The following GRIN2B variants were observed in gnomAD, a reference collection of about 807,000 sequenced individuals.
The protein encoded by GRIN2B is glutamate ionotropic receptor NMDA type subunit 2B.
In GRIN2B, 5 loss-of-function variants were observed where a neutral mutation model predicts 114.5. That is an observed-to-expected ratio of 0.04 (90% CI 0.02 to 0.09). The LOEUF (loss-of-function observed/expected upper bound fraction) is 0.09, where lower values mean the gene tolerates loss of function less well. Among genes scored for constraint, GRIN2B ranks in the 10% least tolerant of loss-of-function variants. The pLI is 1.00. For missense variants in GRIN2B, 1,108 were observed against 1,943.5 expected (o/e 0.57, Z 8.08); for synonymous variants, 787 against 745.1 (o/e 1.06, Z -0.92).
intron 3 of GRIN2B, among the ~76,000 whole-genome samples, chr12:13,841,152 T>C (rs1290596114): frequency 1.3e-5 from 2 of 152,168 alleles, no homozygotes; most frequent in African/African-American, 2.4e-5. Flanking sequence ...TTTGTAACAC[T>C]AAAGACAACT....
At chr12:13,828,424 C>T (rs1865090661) in intron 3 of GRIN2B, among the ~76,000 whole-genome samples, 1 of 152,142 alleles carries the variant, frequency 6.6e-6, no homozygotes, top group African/African-American at 2.4e-5. Context: ...CATGGAATTT[C>T]ACCTATAATA....
Position 13,790,954 on chromosome 12 carries a change from C to A in GRIN2B, c.412-37039G>T, listed in dbSNP as rs188882012. ...TCCAGTGGGAGTGACGAGGCTGGAA[C>A]CCTTCCCTGCAGACACAGAACTAGG... On this transcript the variant is annotated intron_variant, in intron 3 of 13. Transcript: ENST00000609686. Among the ~76,000 whole-genome samples the A allele has an allele frequency of 7.6e-3, 1,162 of 152,218 alleles. 24 individuals are homozygous for A. The highest frequency in any genetic ancestry group is 0.027 in the African/African-American group (1,124 of 41,528).
At chr12:13,731,819 T>C (rs1863091381) in intron 4 of GRIN2B, among the ~76,000 whole-genome samples, 1 of 147,586 alleles carries the variant, frequency 6.8e-6, no homozygotes, top group Non-Finnish European at 1.5e-5. Context: ...CTTGATTTAC[T>C]CTTTCCCCAT....
At chr12:13,980,951 C>T (rs1301745057) in intron 1 of GRIN2B, among the ~76,000 whole-genome samples, 1 of 149,402 alleles carries the variant, frequency 6.7e-6, no homozygotes, top group Non-Finnish European at 1.5e-5. Context: ...CACTCACCCC[C>T]GCGCACACTC....
rs141922026 is a variant in GRIN2B, at chr12:13,783,213, C to T, written c.412-29298G>A. On this transcript the variant is annotated intron_variant, in intron 3 of 13. Coordinates refer to ENST00000609686, the MANE Select transcript of GRIN2B (RefSeq NM_000834.5). ...CTCTTCCAGATGAATTCATCTCTTT[C>T]GCACCCCAATCACCAAGGGGCAGGA... Among the ~76,000 whole-genome samples, 23 of 152,172 alleles carry T rather than the reference C, an allele frequency of 1.5e-4. No individual in the cohort carries two copies. In the East Asian group the frequency reaches 2.5e-3, roughly 17 times the overall value.
chr12:13,838,200 T>A (rs1290647447), intron 3 of GRIN2B, among the ~76,000 whole-genome samples: 1 of 152,056 alleles, frequency 6.6e-6, no homozygotes, highest in Non-Finnish European at 1.5e-5. Context: ...AAACAAGAAG[T>A]GTTTAACAAA....
intron 3 of GRIN2B, among the ~76,000 whole-genome samples, chr12:13,848,257 G>A (rs1057347475): frequency 4.6e-5 from 7 of 152,164 alleles, no homozygotes; most frequent in African/African-American, 1.4e-4. Context: ...GAATACAAAT[G>A]CCCCTAGGGA....
intron 4 of GRIN2B, among the ~76,000 whole-genome samples, chr12:13,685,518 G>A (rs181803546): frequency 1.6e-3 from 245 of 152,290 alleles, no homozygotes; most frequent in African/African-American, 5.2e-3. Context: ...GAGGGTCAAA[G>A]GAGGGAGGAT....
At chr12:13,620,689 G>A (rs1174613027) in intron 5 of GRIN2B, among the ~76,000 whole-genome samples, 1 of 152,138 alleles carries the variant, frequency 6.6e-6, no homozygotes, top group Admixed American at 6.5e-5. Context: ...AAAAATAGGT[G>A]TGTGGCATTC....
chr12:13,608,048 G>C (rs1035422035), intron 10 of GRIN2B, among the ~76,000 whole-genome samples: 4 of 152,124 alleles, frequency 2.6e-5, no homozygotes, highest in Non-Finnish European at 4.4e-5. Context: ...CAATTAGTAA[G>C]GGGGCAGCCC....
rs1181552646 is a variant in GRIN2B at position 13,953,850 on chromosome 12, C to G, written c.-19+26078G>C. Among the ~76,000 whole-genome samples, 4 of 152,218 alleles carry G rather than the reference C, an allele frequency of 2.6e-5. No homozygotes were observed. In the East Asian group the frequency reaches 5.8e-4, roughly 22 times the overall value. On this transcript the variant is annotated intron_variant, in intron 2 of 13. Coordinates refer to ENST00000609686, the MANE Select transcript of GRIN2B (RefSeq NM_000834.5). ...ATTTAGCTTTCAGCTCTTCTTATCC[C>G]TTTGTCCCTGATTCCCAGCATTAAA...
In GRIN2B at chr12:13,675,879, G is replaced by C; in HGVS notation, c.1011-20C>G. ...AGATACCTGTAAAGATAAAATAAAAGGAAGATTAAAAGTATGAAGAGGGTA... is the reference window on the plus strand; with the variant it reads ...AGATACCTGTAAAGATAAAATAAAACGAAGATTAAAAGTATGAAGAGGGTA... On this transcript the variant is annotated intron_variant, in intron 4 of 13. Coordinates refer to ENST00000609686, the MANE Select transcript of GRIN2B (RefSeq NM_000834.5). 7.3e-7 allele frequency: 1 copy of C among 1,368,808 alleles called. No individual in the cohort carries two copies. The highest frequency in any genetic ancestry group is 1.0e-6 in the Non-Finnish European group (1 of 956,578). 84.8% of individuals were successfully genotyped at this position (1,368,808 alleles called of 1,614,324 possible). A position where few individuals can be genotyped will look rare whatever the true frequency, so the allele number is the denominator to read the frequency against.
At chr12:13,726,910 T>C (rs1863000340) in intron 4 of GRIN2B, among the ~76,000 whole-genome samples, 1 of 152,240 alleles carries the variant, frequency 6.6e-6, no homozygotes, top group African/African-American at 2.4e-5. Flanking sequence ...AATAAGAACA[T>C]ACCGTTTGGT....
At chr12:13,883,317 T>C (rs567566435) in intron 2 of GRIN2B, among the ~76,000 whole-genome samples, 13 of 152,316 alleles carry the variant, frequency 8.5e-5, no homozygotes, top group South Asian at 2.1e-4. Context: ...TTAACATTTA[T>C]ATTTAATTGC....
intron 12 of GRIN2B, 66 bp downstream of exon 12, chr12:13,569,764 A>C: frequency 1.0e-6 from 1 of 962,616 alleles, no homozygotes; most frequent in African/African-American, 1.6e-5. Context: ...AAGAAAAGGA[A>C]AGGTTGATGT....
At chr12:13,645,570 C>T (rs1402040552) in intron 5 of GRIN2B, among the ~76,000 whole-genome samples, 1 of 152,112 alleles carries the variant, frequency 6.6e-6, no homozygotes, top group Non-Finnish European at 1.5e-5. Context: ...TTGTAAAAAA[C>T]ACAGTGTCTG....
intron 4 of GRIN2B, among the ~76,000 whole-genome samples, chr12:13,683,001 T>G (rs1177570532): frequency 6.6e-6 from 1 of 152,104 alleles, no homozygotes; most frequent in Non-Finnish European, 1.5e-5. Flanking sequence ...TTTGGCCAAT[T>G]ATCAAAGCAA....
At chr12:13,930,355 C>A (rs1867005121) in intron 2 of GRIN2B, among the ~76,000 whole-genome samples, 1 of 152,106 alleles carries the variant, frequency 6.6e-6, no homozygotes, top group Non-Finnish European at 1.5e-5. Context: ...CCTATGAGAT[C>A]TTTGAGACTA....
intron 12 of GRIN2B, among the ~76,000 whole-genome samples, chr12:13,569,242 T>C (rs145229032): frequency 7.4e-4 from 113 of 152,266 alleles, no homozygotes; most frequent in Non-Finnish European, 1.2e-3. Flanking sequence ...CCCCCTAAAA[T>C]ATATATGTTG....
Sources: allele counts gnomAD v4.1 joint callset (sites outside exome capture counted in the v4.1 genomes callset), GRCh38; gene constraint gnomAD v4.1.1; transcripts MANE v1.5; gene names NCBI Gene and HGNC (gene_info 2026-07-23, HGNC 2026-07-21).